MACROD2: variants seen among roughly 807,000 people sequenced by gnomAD.
MACROD2 encodes mono-ADP ribosylhydrolase 2, also known as ADP-ribose glycohydrolase MACROD2.
A neutral mutation model predicts 70.4 loss-of-function variants in MACROD2; 36 were observed. That is an observed-to-expected ratio of 0.51 (90% confidence interval 0.39 to 0.68). The LOEUF (loss-of-function observed/expected upper bound fraction) is 0.68, where lower values mean the gene tolerates loss of function less well. Among genes scored for constraint, MACROD2 ranks in the 30% least tolerant of loss-of-function variants. MACROD2 has a pLI of 0.00. For synonymous variants in MACROD2, 172 were observed against 178.8 expected (o/e 0.96, Z 0.30); for missense variants, 496 against 538.4 (o/e 0.92, Z 0.78).
intron 3 of MACROD2, among the ~76,000 whole-genome samples, chr20:14,469,981 G>A (rs1033237354): frequency 6.6e-6 from 1 of 152,062 alleles, no homozygotes; most frequent in African/African-American, 2.4e-5. Context: ...CTGGTGAGGA[G>A]TTGTAATCCT....
At chr20:15,979,263 A>G (rs6131754) in intron 13 of MACROD2, among the ~76,000 whole-genome samples, 73,163 of 151,932 alleles carry the variant, frequency 0.48, 17,770 homozygotes, top group Non-Finnish European at 0.51. Context: ...CATGCTTTCC[A>G]TTCAGGATCT....
intron 3 of MACROD2, among the ~76,000 whole-genome samples, chr20:14,248,974 G>A (rs2081988746): frequency 6.6e-6 from 1 of 152,026 alleles, no homozygotes; most frequent in Admixed American, 6.6e-5. Context: ...GCACTGATTA[G>A]CCAAATGGCC....
At chr20:14,949,400 C>A (rs1266593321) in intron 5 of MACROD2, among the ~76,000 whole-genome samples, 1 of 152,092 alleles carries the variant, frequency 6.6e-6, no homozygotes, top group East Asian at 1.9e-4. Flanking sequence ...AGAACAAATT[C>A]TCCCCTTCAG....
At chr20:15,275,829 G>A (rs2077386040) in intron 6 of MACROD2, among the ~76,000 whole-genome samples, 2 of 152,154 alleles carry the variant, frequency 1.3e-5, no homozygotes, top group Non-Finnish European at 2.9e-5. Flanking sequence ...GCCATGTGTG[G>A]CTCCCAAATC....
At chr20:16,037,593 G>A (rs1233549499) in intron 15 of MACROD2, among the ~76,000 whole-genome samples, 3 of 151,796 alleles carry the variant, frequency 2.0e-5, no homozygotes, top group Non-Finnish European at 4.4e-5. Context: ...GAGTTAAGAT[G>A]AGTCAGAATA....
chr20:15,435,283 C>G (rs1312944521), intron 7 of MACROD2, among the ~76,000 whole-genome samples: 1 of 152,112 alleles, frequency 6.6e-6, no homozygotes, highest in East Asian at 1.9e-4. Flanking sequence ...TAAAAATATT[C>G]AAGTATCTCA....
At chr20:15,477,816 A>G (rs1328368571) in intron 7 of MACROD2, among the ~76,000 whole-genome samples, 1 of 152,216 alleles carries the variant, frequency 6.6e-6, no homozygotes, top group African/African-American at 2.4e-5. Flanking sequence ...ACATGGGCCC[A>G]ATGTGATCGC....
intron 6 of MACROD2, among the ~76,000 whole-genome samples, chr20:15,362,545 A>G (rs2078364977): frequency 6.6e-6 from 1 of 152,148 alleles, no homozygotes; most frequent in African/African-American, 2.4e-5. Context: ...CTGCATCGAT[A>G]CAATTTTTTT....
chr20:15,406,750 G>A (rs2046007604), intron 6 of MACROD2, among the ~76,000 whole-genome samples: 1 of 152,108 alleles, frequency 6.6e-6, no homozygotes, highest in Admixed American at 6.5e-5. Context: ...AATAAACAAA[G>A]CTTATGTTTA....
chr20:15,106,268 T>C (rs963102710), intron 5 of MACROD2, among the ~76,000 whole-genome samples: 5 of 152,140 alleles, frequency 3.3e-5, no homozygotes, highest in African/African-American at 9.7e-5. Flanking sequence ...GGTATTTCAA[T>C]TTTGTGCCGT....
intron 7 of MACROD2, among the ~76,000 whole-genome samples, chr20:15,494,784 T>C (rs1249018123): frequency 2.7e-5 from 4 of 147,272 alleles, no homozygotes; most frequent in African/African-American, 5.1e-5. Context: ...TGTGCGCGCG[T>C]GTGTGCAGTA....
intron 3 of MACROD2, among the ~76,000 whole-genome samples, chr20:14,471,816 CT>C (rs1393840567): frequency 6.6e-6 from 1 of 151,998 alleles, no homozygotes; most frequent in Non-Finnish European, 1.5e-5. Context: ...AAAATCTCTT[CT>C]AAAAATGATT....
chr20:15,998,935 G>T (rs1450061891), intron 15 of MACROD2, among the ~76,000 whole-genome samples: 9 of 151,782 alleles, frequency 5.9e-5, no homozygotes, highest in Admixed American at 5.9e-4. Context: ...CCTCATTTTT[G>T]TTCATCCTTT....
At chr20:15,227,011 T>C (rs1289892445) in intron 5 of MACROD2, among the ~76,000 whole-genome samples, 1 of 152,056 alleles carries the variant, frequency 6.6e-6, no homozygotes, top group African/African-American at 2.4e-5. Context: ...TGAAGGAGAT[T>C]TCCTGTCTAG....
intron 7 of MACROD2, among the ~76,000 whole-genome samples, chr20:15,492,675 G>A (rs927583336): frequency 5.3e-5 from 8 of 152,162 alleles, no homozygotes; most frequent in Non-Finnish European, 1.0e-4. Flanking sequence ...GACAATCATA[G>A]GTTTCTATCA....
chr20:15,693,815 C>A (rs1406334016), intron 8 of MACROD2, among the ~76,000 whole-genome samples: 1 of 152,042 alleles, frequency 6.6e-6, no homozygotes, highest in Non-Finnish European at 1.5e-5. Flanking sequence ...CACATATCGC[C>A]TGAGCAGTAC....
At chr20:14,502,382 G>A (rs2084924075) in intron 4 of MACROD2, among the ~76,000 whole-genome samples, 1 of 152,170 alleles carries the variant, frequency 6.6e-6, no homozygotes, top group Admixed American at 6.5e-5. Flanking sequence ...AAGATCTCCA[G>A]GGTCCTGTCA....
At chr20:15,765,359 C>T (rs777615024) in intron 8 of MACROD2, among the ~76,000 whole-genome samples, 6 of 152,192 alleles carry the variant, frequency 3.9e-5, no homozygotes, top group Non-Finnish European at 7.3e-5. Context: ...TTCTGGTTCT[C>T]CTTGCCTTAT....
intron 8 of MACROD2, among the ~76,000 whole-genome samples, chr20:15,610,108 C>T (rs111268006): frequency 5.9e-5 from 9 of 152,296 alleles, no homozygotes; most frequent in Non-Finnish European, 1.0e-4. Flanking sequence ...TTTCACTTAA[C>T]GTAAACTGCT....
Sources: allele counts gnomAD v4.1 joint callset (sites outside exome capture counted in the v4.1 genomes callset), GRCh38; gene constraint gnomAD v4.1.1; transcripts MANE v1.5; gene names NCBI Gene and HGNC (gene_info 2026-07-23, HGNC 2026-07-21).